SPATA17: variants seen among roughly 807,000 people sequenced by gnomAD.
SPATA17 encodes the protein spermatogenesis associated 17, also known as spermatogenesis-associated protein 17.
SPATA17 carries 53 observed loss-of-function variants against 62.2 expected under a neutral mutation model. The observed-to-expected ratio is 0.85, with a 90% CI of 0.68 to 1.07. SPATA17 has a LOEUF of 1.07. Among genes scored for constraint, SPATA17 ranks in the 50% least tolerant of loss-of-function variants. The pLI, the probability that SPATA17 is intolerant of heterozygous loss-of-function variation, is 0.00. For synonymous variants in SPATA17, 146 were observed against 146.8 expected (o/e 0.99, Z 0.04); for missense variants, 466 against 425.5 (o/e 1.10, Z -0.84).
intron 5 of SPATA17, among the ~76,000 whole-genome samples, chr1:217,729,406 C>T (rs1672344804): frequency 6.6e-6 from 1 of 152,282 alleles, no homozygotes; most frequent in Non-Finnish European, 1.5e-5. Context: ...CAGTAAACCT[C>T]ATTTTAAAAA....
intron 7 of SPATA17, among the ~76,000 whole-genome samples, chr1:217,778,543 C>A (rs191238094): frequency 6.6e-6 from 1 of 151,922 alleles, no homozygotes; most frequent in Non-Finnish European, 1.5e-5. Flanking sequence ...TAATAATAAA[C>A]CACGTTGCAT....
chr1:217,749,985 C>CTA (rs57489651), intron 6 of SPATA17, among the ~76,000 whole-genome samples: 203 of 12,318 alleles, frequency 0.016, 19 homozygotes, highest in Middle Eastern at 0.031. Flanking sequence ...CTCTCTCTCT[C>CTA]TATATATATA....
At chr1:217,740,954 A>G (rs1297790418) in intron 5 of SPATA17, among the ~76,000 whole-genome samples, 2 of 152,228 alleles carry the variant, frequency 1.3e-5, no homozygotes, top group Non-Finnish European at 2.9e-5. Flanking sequence ...GTAACCTTGT[A>G]TGAAGTATTG....
intron 4 of SPATA17, among the ~76,000 whole-genome samples, chr1:217,682,543 C>G (rs900077205): frequency 3.9e-5 from 6 of 152,090 alleles, no homozygotes; most frequent in African/African-American, 1.4e-4. Flanking sequence ...AGAGTGGGCT[C>G]TCTGAAGCCC....
At position 217,672,829 on chromosome 1, in the gene SPATA17, T is replaced by G. The variant is rs548734870; in HGVS notation, c.291+3746T>G. Among the ~76,000 whole-genome samples the G allele has an allele frequency of 3.9e-5, 6 of 152,228 alleles. No homozygotes were observed. In the South Asian group the frequency reaches 1.0e-3, roughly 26 times the overall value. ...ACTTCTGTTATAGAACCTGTAACAT[T>G]TTATTATCCTTACTAATTTACATGC... On this transcript the variant is annotated intron_variant, in intron 4 of 10. Coordinates refer to ENST00000366933, the MANE Select transcript of SPATA17 (RefSeq NM_138796.4).
intron 6 of SPATA17, among the ~76,000 whole-genome samples, chr1:217,758,363 C>T (rs1571785678): frequency 6.6e-6 from 1 of 152,254 alleles, no homozygotes; most frequent in African/African-American, 2.4e-5. Context: ...TGAGTACTTA[C>T]TTTGTGTCAA....
At chr1:217,699,713 G>A (rs1423601118) in intron 5 of SPATA17, among the ~76,000 whole-genome samples, 1 of 151,850 alleles carries the variant, frequency 6.6e-6, no homozygotes, top group Non-Finnish European at 1.5e-5. Context: ...AATTTTAACG[G>A]CATCCAGTTT....
chr1:217,778,435 C>T (rs557293046), intron 7 of SPATA17, among the ~76,000 whole-genome samples: 8 of 152,116 alleles, frequency 5.3e-5, no homozygotes, highest in South Asian at 2.1e-4. Context: ...GCAGGAGAAT[C>T]GCTTGAACCT....
Position 217,652,530 on chromosome 1 carries a change from G to C in SPATA17, c.240+1352G>C, listed in dbSNP as rs143482143. ...ATTACAGGTGTGAGCCACCACGCCC[G>C]GCCAAACTTTTTTTTTTCCCTTCTC... On this transcript the variant is annotated intron_variant, in intron 3 of 10. Transcript: ENST00000366933. Among the ~76,000 whole-genome samples the C allele has an allele frequency of 4.3e-3, 655 of 152,042 alleles. 5 individuals carry two copies. Among genetic ancestry groups the C allele is most frequent in the African/African-American group, 0.015 (628 of 41,460 alleles).
chr1:217,698,942 A>G (rs1671528058), intron 5 of SPATA17, among the ~76,000 whole-genome samples: 1 of 152,154 alleles, frequency 6.6e-6, no homozygotes, highest in Admixed American at 6.6e-5. Context: ...TTGTCATTTC[A>G]AGAATATTAT....
chr1:217,689,000 C>T (rs923810612), intron 5 of SPATA17, among the ~76,000 whole-genome samples: 1 of 152,090 alleles, frequency 6.6e-6, no homozygotes, highest in African/African-American at 2.4e-5. Context: ...ATAATTTTCA[C>T]TTTGTCAAGC....
intron 9 of SPATA17, among the ~76,000 whole-genome samples, chr1:217,856,801 C>T (rs1189206280): frequency 1.3e-5 from 2 of 152,132 alleles, no homozygotes; most frequent in South Asian, 4.1e-4. Flanking sequence ...TGTAGAGATC[C>T]TCATGTCATC....
rs559028902 is a variant in SPATA17, at chr1:217,706,596, A to G, written c.395+23235A>G. ...TGTGCCTGCTTTCTCTTTTGCCATG[A>G]TTGTAAGTTTCCTAAGGCTTCCACA... On this transcript the variant is annotated intron_variant, in intron 5 of 10. Transcript: ENST00000366933. Among the ~76,000 whole-genome samples the G allele has an allele frequency of 3.3e-5, 5 of 152,274 alleles. No homozygotes were observed. In the South Asian group the frequency reaches 1.0e-3, roughly 32 times the overall value.
intron 1 of SPATA17, among the ~76,000 whole-genome samples, chr1:217,636,764 T>C (rs1669951812): frequency 6.6e-6 from 1 of 152,232 alleles, no homozygotes; most frequent in South Asian, 2.1e-4. Flanking sequence ...ATTTTGCTTT[T>C]ATTTTTCCCA....
chr1:217,746,523 T>G (rs1672756015), intron 6 of SPATA17, among the ~76,000 whole-genome samples: 1 of 151,116 alleles, frequency 6.6e-6, no homozygotes, highest in South Asian at 2.1e-4. Context: ...CAAAATTGTA[T>G]TTGTGAATTC....
intron 3 of SPATA17, among the ~76,000 whole-genome samples, chr1:217,662,793 A>T (rs1670598755): frequency 6.6e-6 from 1 of 152,194 alleles, no homozygotes; most frequent in Admixed American, 6.5e-5. Context: ...TCTCTTCATT[A>T]GATGAACACA....
In SPATA17 at chr1:217,777,582, A is replaced by G. The variant is rs558896131; in HGVS notation, c.723+3045A>G. 4.6e-5 allele frequency among the ~76,000 whole-genome samples: 7 copies of G among 152,106 alleles called. No individual in the cohort carries two copies. In the East Asian group the frequency reaches 1.4e-3, roughly 29 times the overall value. On this transcript the variant is annotated intron_variant, in intron 7 of 10. Coordinates refer to ENST00000366933, the MANE Select transcript of SPATA17 (RefSeq NM_138796.4). ...ATGCCCTGCTAAGTTTTGTATTTTTAGTAGATATAGGGTTTCACCATGTTG... is the reference window on the plus strand; with the variant it reads ...ATGCCCTGCTAAGTTTTGTATTTTTGGTAGATATAGGGTTTCACCATGTTG...
intron 1 of SPATA17, among the ~76,000 whole-genome samples, chr1:217,642,635 G>T (rs1670091742): frequency 6.6e-6 from 1 of 152,102 alleles, no homozygotes; most frequent in Non-Finnish European, 1.5e-5. Context: ...GGTTTCCTCC[G>T]TGCTGTTCTT....
chr1:217,739,254 T>C (rs2102946364), intron 5 of SPATA17, among the ~76,000 whole-genome samples: 1 of 152,302 alleles, frequency 6.6e-6, no homozygotes, highest in South Asian at 2.1e-4. Flanking sequence ...AAAGGAAATA[T>C]GCATGGCTAA....
Sources: allele counts gnomAD v4.1 joint callset (sites outside exome capture counted in the v4.1 genomes callset), GRCh38; gene constraint gnomAD v4.1.1; transcripts MANE v1.5; gene names NCBI Gene and HGNC (gene_info 2026-07-23, HGNC 2026-07-21).